Variants in GLI2 observed in about 807,000 individuals in gnomAD.
GLI2 encodes the protein transcription activator GLI2.
GLI2 carries 22 observed loss-of-function variants against 78.9 expected under a neutral mutation model. The observed-to-expected ratio is 0.28, with a 90% CI of 0.20 to 0.40. The LOEUF (loss-of-function observed/expected upper bound fraction) is 0.40, where lower values mean the gene tolerates loss of function less well. Ranked by LOEUF, GLI2 falls within the 10% of genes least tolerant of loss-of-function variation. The pLI, the probability that GLI2 is intolerant of heterozygous loss-of-function variation, is 1.00. For missense variants in GLI2, 2,097 were observed against 2,213.2 expected (o/e 0.95, Z 1.05); for synonymous variants, 974 against 963.7 (o/e 1.01, Z -0.20).
intron 2 of GLI2, among the ~76,000 whole-genome samples, chr2:120,865,327 C>A (rs1688078521): frequency 6.6e-6 from 1 of 152,176 alleles, no homozygotes; most frequent in Admixed American, 6.5e-5. Flanking sequence ...ACAGTTGCCA[C>A]CCGACTACTG....
chr2:120,925,852 C>T (rs1014971775), intron 2 of GLI2, among the ~76,000 whole-genome samples: 3 of 150,630 alleles, frequency 2.0e-5, no homozygotes, highest in African/African-American at 4.9e-5. Context: ...GCGGGCGGAT[C>T]ACAAGGTCAG....
intron 4 of GLI2, 64 bp from the exon 5 acceptor site, chr2:120,955,181 T>TGGA: frequency 1.9e-6 from 1 of 531,604 alleles, no homozygotes; most frequent in East Asian, 3.7e-5. Flanking sequence ...TTTTTTTTTT[T>TGGA]GGCAGGAGAA....
At chr2:120,921,926 C>T (rs929121728) in intron 2 of GLI2, among the ~76,000 whole-genome samples, 2 of 152,224 alleles carry the variant, frequency 1.3e-5, no homozygotes, top group Admixed American at 6.5e-5. Context: ...TTTGAATTTG[C>T]TATTCCTTCT....
At chr2:120,977,171 T>C (rs1324160372) in intron 9 of GLI2, among the ~76,000 whole-genome samples, 1 of 152,184 alleles carries the variant, frequency 6.6e-6, no homozygotes, top group East Asian at 1.9e-4. Flanking sequence ...GCTTGGCTCT[T>C]GGGACAGCCT....
At chr2:120,792,971 C>T (rs1032237231) in intron 1 of GLI2, among the ~76,000 whole-genome samples, 11 of 152,186 alleles carry the variant, frequency 7.2e-5, no homozygotes, top group Admixed American at 1.3e-4. Flanking sequence ...GCACCCCGTT[C>T]GGTTTTTCAT....
chr2:120,791,407 GC>G (rs1447532434), intron 1 of GLI2, among the ~76,000 whole-genome samples: 2 of 152,326 alleles, frequency 1.3e-5, no homozygotes, highest in African/African-American at 4.8e-5. Flanking sequence ...AAGGACTGGT[GC>G]CCAGCTCCTG....
At chr2:120,796,928 A>AT (rs1684423814) in intron 1 of GLI2, among the ~76,000 whole-genome samples, 2 of 152,102 alleles carry the variant, frequency 1.3e-5, no homozygotes, top group Admixed American at 1.3e-4. Flanking sequence ...CCTCTAGGTC[A>AT]TTGTCACTAT....
chr2:120,740,480 GA>G (rs1453380657), intron 1 of GLI2, among the ~76,000 whole-genome samples: 1 of 151,518 alleles, frequency 6.6e-6, no homozygotes, highest in Non-Finnish European at 1.5e-5. Flanking sequence ...TTTTAACTGT[GA>G]GTGCCGGGTT....
In GLI2 at chr2:120,969,446, G is replaced by A. The variant is rs368816583; in HGVS notation, c.845+531G>A. Among the ~76,000 whole-genome samples, 29 of 152,330 alleles carry A rather than the reference G, an allele frequency of 1.9e-4. No homozygotes were observed. In the South Asian group the frequency reaches 4.8e-3, roughly 25 times the overall value. ...ACTCACATGCCTCTCCAGCACCTCCGGAAGAGGCCAGGAGGAGTTAGGAAT... is the reference window on the plus strand; with the variant it reads ...ACTCACATGCCTCTCCAGCACCTCCAGAAGAGGCCAGGAGGAGTTAGGAAT... On this transcript the variant is annotated intron_variant, in intron 6 of 13. Transcript: ENST00000361492.
intron 4 of GLI2, among the ~76,000 whole-genome samples, chr2:120,954,049 G>A (rs765511878): frequency 3.3e-5 from 5 of 152,160 alleles, no homozygotes; most frequent in African/African-American, 4.8e-5. Flanking sequence ...GACTCCCACA[G>A]GAAGTAGACC....
At chr2:120,763,272 G>A (rs1394300624) in intron 1 of GLI2, among the ~76,000 whole-genome samples, 3 of 152,210 alleles carry the variant, frequency 2.0e-5, no homozygotes, top group Non-Finnish European at 4.4e-5. Flanking sequence ...TGACCTAAAG[G>A]AGCCCCTGTC....
chr2:120,796,586 G>T (rs956185831), intron 1 of GLI2, among the ~76,000 whole-genome samples: 4 of 152,190 alleles, frequency 2.6e-5, no homozygotes, highest in African/African-American at 9.7e-5. Context: ...GAGAGGCCTG[G>T]CAGCGCTGCC....
At position 120,991,744 on chromosome 2, in the gene GLI2, A is replaced by T. The variant is rs1683302594; in HGVS notation, c.*1069A>T. 1 of 152,704 alleles carries T rather than the reference A, an allele frequency of 6.5e-6. No homozygotes were observed. The allele number at this position is 152,704 out of a possible 1,614,324, so 9.5% of individuals were successfully genotyped here. A position where few individuals can be genotyped will look rare whatever the true frequency, so the allele number is the denominator to read the frequency against. On this transcript the variant is annotated 3_prime_UTR_variant, in exon 14 of 14. Transcript: ENST00000361492. ...CACCAGCAGCCCAGTGTTCTCCACC[A>T]AGCCACAGTGTGCATGCCTGGTATC...
In GLI2 at chr2:120,807,178, C is replaced by A. The variant is rs536437032; in HGVS notation, c.148+9710C>A. Among the ~76,000 whole-genome samples, 15 of 152,214 alleles carry A rather than the reference C, an allele frequency of 9.9e-5. No homozygotes were observed. In the East Asian group the frequency reaches 2.5e-3, roughly 26 times the overall value. On this transcript the variant is annotated intron_variant, in intron 2 of 13. Coordinates refer to ENST00000361492, the MANE Select transcript of GLI2 (RefSeq NM_001374353.1). ...GCCCCCTGGGGACGATGCAGGGAGC[C>A]ATCAGCCCCAGGACACCAGCATGGT...
chr2:120,767,363 G>C (rs1319613038), intron 1 of GLI2, among the ~76,000 whole-genome samples: 1 of 151,984 alleles, frequency 6.6e-6, no homozygotes, highest in Middle Eastern at 3.2e-3. Context: ...TGGCGCTGGG[G>C]GCGGGGGCGG....
chr2:120,904,823 G>A (rs1361283069), intron 2 of GLI2, among the ~76,000 whole-genome samples: 1 of 152,156 alleles, frequency 6.6e-6, no homozygotes, highest in Non-Finnish European at 1.5e-5. Flanking sequence ...AAGGAGGTGA[G>A]GTGGGGGTGG....
At chr2:120,981,484 G>A (rs1237897457) in intron 10 of GLI2, among the ~76,000 whole-genome samples, 1 of 152,124 alleles carries the variant, frequency 6.6e-6, no homozygotes, top group Non-Finnish European at 1.5e-5. Flanking sequence ...TTGCAAGATG[G>A]TTCTGGCTCT....
At chr2:120,782,930 A>G (rs1014920972) in intron 1 of GLI2, among the ~76,000 whole-genome samples, 2 of 152,182 alleles carry the variant, frequency 1.3e-5, no homozygotes, top group Non-Finnish European at 2.9e-5. Context: ...TGGGACCTCC[A>G]TGAGGCTCCC....
At chr2:120,824,782 C>T (rs569424853) in intron 2 of GLI2, among the ~76,000 whole-genome samples, 1 of 152,310 alleles carries the variant, frequency 6.6e-6, no homozygotes, top group Non-Finnish European at 1.5e-5. Context: ...CCTGAACTCC[C>T]TTGTCAGTGA....
Sources: allele counts gnomAD v4.1 joint callset (sites outside exome capture counted in the v4.1 genomes callset), GRCh38; gene constraint gnomAD v4.1.1; transcripts MANE v1.5; gene names NCBI Gene and HGNC (gene_info 2026-07-23, HGNC 2026-07-21).